EPHA3: variants seen among roughly 807,000 people sequenced by gnomAD.
The protein encoded by EPHA3 is EPH receptor A3.
EPHA3 carries 42 observed loss-of-function variants against 107.1 expected under a neutral mutation model. The observed-to-expected ratio is 0.39, with a 90% CI of 0.31 to 0.51. EPHA3 has a LOEUF of 0.51. EPHA3 is among the 20% of genes least tolerant of loss of function. EPHA3 has a pLI of 0.78. For missense variants in EPHA3, 1,183 were observed against 1,211.2 expected, an observed-to-expected ratio of 0.98 and a Z score of 0.35; for synonymous variants, 461 against 424.8, an observed-to-expected ratio of 1.09 and a Z score of -1.05.
intron 10 of EPHA3, among the ~76,000 whole-genome samples, chr3:89,413,542 A>G (rs1191295029): frequency 2.6e-5 from 4 of 151,784 alleles, no homozygotes; most frequent in African/African-American, 9.7e-5. Context: ...GTGTGTCACA[A>G]AACCTATTTG....
intron 5 of EPHA3, among the ~76,000 whole-genome samples, chr3:89,359,810 T>TAC (rs1559663707): frequency 7.1e-6 from 1 of 140,662 alleles, no homozygotes; most frequent in East Asian, 2.0e-4. Flanking sequence ...CACATATATA[T>TAC]ACATATATAT....
At chr3:89,239,757 T>C (rs1704851613) in intron 3 of EPHA3, among the ~76,000 whole-genome samples, 1 of 152,204 alleles carries the variant, frequency 6.6e-6, no homozygotes, top group Admixed American at 6.5e-5. Flanking sequence ...TAATTTGCCC[T>C]TTTTCTAATC....
intron 3 of EPHA3, among the ~76,000 whole-genome samples, chr3:89,337,114 T>G (rs1386620033): frequency 6.6e-6 from 1 of 151,594 alleles, no homozygotes; most frequent in Non-Finnish European, 1.5e-5. Flanking sequence ...GAGAAAGACA[T>G]GTACGAGAGA....
At chr3:89,402,650 C>A (rs567761601) in intron 7 of EPHA3, among the ~76,000 whole-genome samples, 7 of 151,918 alleles carry the variant, frequency 4.6e-5, no homozygotes, top group Admixed American at 2.6e-4. Flanking sequence ...TTGTATTTAA[C>A]AGTTTGCTTT....
intron 2 of EPHA3, among the ~76,000 whole-genome samples, chr3:89,147,515 G>A (rs1296607077): frequency 6.6e-6 from 1 of 151,894 alleles, no homozygotes; most frequent in Admixed American, 6.6e-5. Context: ...CACTGCAAAA[G>A]TTACAGCCAC....
intron 8 of EPHA3, among the ~76,000 whole-genome samples, chr3:89,407,700 AC>A (rs1709081718): frequency 6.6e-6 from 1 of 152,004 alleles, no homozygotes; most frequent in Non-Finnish European, 1.5e-5. Flanking sequence ...ACACTTTCTC[AC>A]CCAGAACAGG....
chr3:89,168,366 G>A (rs1705128604), intron 2 of EPHA3, among the ~76,000 whole-genome samples: 1 of 152,056 alleles, frequency 6.6e-6, no homozygotes, highest in Admixed American at 6.5e-5. Flanking sequence ...AAAGTGGAAA[G>A]TTTATGTTAT....
At chr3:89,288,702 T>C (rs1372791336) in intron 3 of EPHA3, among the ~76,000 whole-genome samples, 3 of 152,168 alleles carry the variant, frequency 2.0e-5, no homozygotes, top group Non-Finnish European at 4.4e-5. Flanking sequence ...TGAACATTAT[T>C]AGGCATATTA....
At chr3:89,433,499 A>T (rs1374209519) in intron 13 of EPHA3, among the ~76,000 whole-genome samples, 1 of 152,194 alleles carries the variant, frequency 6.6e-6, no homozygotes, top group African/African-American at 2.4e-5. Flanking sequence ...ATGCATTGAT[A>T]TAGGAGGTAG....
intron 2 of EPHA3, among the ~76,000 whole-genome samples, chr3:89,142,990 G>C (rs551948552): frequency 6.6e-6 from 1 of 151,070 alleles, no homozygotes; most frequent in African/African-American, 2.4e-5. Flanking sequence ...TAACCTTTTA[G>C]CTAATTATTA....
intron 3 of EPHA3, among the ~76,000 whole-genome samples, chr3:89,217,843 A>C (rs939610297): frequency 6.6e-6 from 1 of 152,172 alleles, no homozygotes; most frequent in Non-Finnish European, 1.5e-5. Flanking sequence ...GGAATACCTG[A>C]ATTTATTGTG....
At chr3:89,445,510 T>C (rs1254310027) in intron 13 of EPHA3, among the ~76,000 whole-genome samples, 1 of 152,162 alleles carries the variant, frequency 6.6e-6, no homozygotes. Context: ...AGTTGATCAA[T>C]AGTAGTATCT....
At chr3:89,185,630 G>A (rs138021405) in intron 2 of EPHA3, among the ~76,000 whole-genome samples, 112 of 152,138 alleles carry the variant, frequency 7.4e-4, no homozygotes, top group Admixed American at 1.2e-3. Flanking sequence ...AGGTGGGATT[G>A]GAGGAATGTG....
chr3:89,456,988 C>T (rs554568818), intron 15 of EPHA3, among the ~76,000 whole-genome samples: 2 of 152,172 alleles, frequency 1.3e-5, no homozygotes, highest in East Asian at 3.9e-4. Flanking sequence ...CTATAATACC[C>T]CTCAGAACAT....
chr3:89,211,120 C>T (rs887548291), intron 3 of EPHA3, among the ~76,000 whole-genome samples: 1 of 151,970 alleles, frequency 6.6e-6, no homozygotes, highest in African/African-American at 2.4e-5. Context: ...GTCTTTTGCA[C>T]CATGATTTGG....
intron 3 of EPHA3, among the ~76,000 whole-genome samples, chr3:89,329,447 AGT>A: frequency 6.6e-6 from 1 of 152,112 alleles, no homozygotes; most frequent in South Asian, 2.1e-4. Flanking sequence ...TTATACTATG[AGT>A]GTTTTATATT....
intron 2 of EPHA3, among the ~76,000 whole-genome samples, chr3:89,134,821 C>A (rs886992537): frequency 5.9e-5 from 9 of 152,148 alleles, no homozygotes; most frequent in Admixed American, 6.6e-5. Context: ...GCTTTACAAT[C>A]CATTTTCAAC....
At chr3:89,430,247 A>C (rs1319722941) in intron 12 of EPHA3, among the ~76,000 whole-genome samples, 1 of 152,158 alleles carries the variant, frequency 6.6e-6, no homozygotes, top group Non-Finnish European at 1.5e-5. Flanking sequence ...ATAAATTGAG[A>C]TGGGCAGATG....
At chr3:89,247,228 G>A (rs972825103) in intron 3 of EPHA3, among the ~76,000 whole-genome samples, 3 of 152,150 alleles carry the variant, frequency 2.0e-5, no homozygotes, top group African/African-American at 7.2e-5. Context: ...TCCATCCTCT[G>A]AGACTGGGAA....
Sources: gnomAD v4.1 joint callset for allele counts (sites outside exome capture counted in the v4.1 genomes callset) on GRCh38, gnomAD v4.1.1 for gene constraint, MANE v1.5 for transcripts, NCBI Gene and HGNC (gene_info 2026-07-23, HGNC 2026-07-21) for gene names.